Variants in RBPMS observed in about 807,000 individuals in gnomAD.
The protein encoded by RBPMS is RNA binding protein, mRNA processing factor.
RBPMS carries 7 observed loss-of-function variants against 26.8 expected under a neutral mutation model. That is an observed-to-expected ratio of 0.26 (90% CI 0.15 to 0.49). The LOEUF is 0.49. Among genes scored for constraint, RBPMS ranks in the 20% least tolerant of loss-of-function variants. The pLI is 0.98. For synonymous variants in RBPMS, 96 were observed against 93.3 expected, an observed-to-expected ratio of 1.03 and a Z score of -0.17; for missense variants, 186 against 250.0, an observed-to-expected ratio of 0.74 and a Z score of 1.73.
At chr8:30,447,273 C>T (rs943126586) in intron 1 of RBPMS, among the ~76,000 whole-genome samples, 3 of 152,154 alleles carry the variant, frequency 2.0e-5, no homozygotes, top group Non-Finnish European at 4.4e-5. Flanking sequence ...CTGAACACTT[C>T]TGGGCCCAAG....
intron 5 of RBPMS, among the ~76,000 whole-genome samples, chr8:30,515,624 C>CT (rs1281652225): frequency 3.0e-4 from 46 of 152,222 alleles, no homozygotes; most frequent in African/African-American, 9.4e-4. Context: ...GTAGATTTCA[C>CT]TAAAATATTT....
intron 4 of RBPMS, among the ~76,000 whole-genome samples, chr8:30,479,812 T>A: frequency 6.7e-6 from 1 of 148,700 alleles, no homozygotes; most frequent in Non-Finnish European, 1.5e-5. Context: ...TATGCAGCAT[T>A]AAAAAAAAAA....
intron 5 of RBPMS, among the ~76,000 whole-genome samples, chr8:30,531,482 T>C (rs897007133): frequency 2.0e-4 from 30 of 152,216 alleles, no homozygotes; most frequent in African/African-American, 6.8e-4. Context: ...CCTCATGAGA[T>C]AGAATTACTT....
chr8:30,512,610 T>C (rs1303776176), intron 5 of RBPMS, among the ~76,000 whole-genome samples: 1 of 152,184 alleles, frequency 6.6e-6, no homozygotes. Flanking sequence ...TCCTCCTGCC[T>C]CAGCCTCCTG....
At chr8:30,534,507 A>G (rs1824599449) in intron 5 of RBPMS, among the ~76,000 whole-genome samples, 1 of 152,230 alleles carries the variant, frequency 6.6e-6, no homozygotes, top group South Asian at 2.1e-4. Flanking sequence ...ATCAAGGGCA[A>G]GTAGCCCACG....
intron 7 of RBPMS, among the ~76,000 whole-genome samples, chr8:30,563,433 T>C (rs1054445734): frequency 2.0e-5 from 3 of 152,216 alleles, no homozygotes; most frequent in Non-Finnish European, 2.9e-5. Context: ...GGCAGCTTTC[T>C]TTGATGGATA....
intron 4 of RBPMS, among the ~76,000 whole-genome samples, chr8:30,487,245 AC>A (rs56289571): frequency 0.23 from 35,678 of 152,030 alleles, 4,644 homozygotes; most frequent in East Asian, 0.41. Context: ...GTTCTCTTTT[AC>A]TTTTAGTGAA....
chr8:30,423,350 T>G (rs1378461427), intron 1 of RBPMS, among the ~76,000 whole-genome samples: 1 of 152,208 alleles, frequency 6.6e-6, no homozygotes, highest in Non-Finnish European at 1.5e-5. Context: ...CTTGAAGACC[T>G]GTCTGGCAGG....
intron 5 of RBPMS, among the ~76,000 whole-genome samples, chr8:30,523,829 T>G (rs1823303440): frequency 1.3e-5 from 2 of 152,106 alleles, no homozygotes; most frequent in Non-Finnish European, 2.9e-5. Flanking sequence ...AAGTGGATTA[T>G]CTTGCTTTCC....
chr8:30,533,852 G>C (rs1223853049), intron 5 of RBPMS, among the ~76,000 whole-genome samples: 1 of 152,062 alleles, frequency 6.6e-6, no homozygotes, highest in African/African-American at 2.4e-5. Context: ...TGTTTGTTTT[G>C]GCCAGGCATG....
chr8:30,463,972 G>A (rs1369586855), intron 1 of RBPMS, among the ~76,000 whole-genome samples: 1 of 152,144 alleles, frequency 6.6e-6, no homozygotes, highest in Non-Finnish European at 1.5e-5. Context: ...AACATAGGGA[G>A]ACCTCATTTC....
chr8:30,428,451 G>C (rs1811595221), intron 1 of RBPMS, among the ~76,000 whole-genome samples: 1 of 150,800 alleles, frequency 6.6e-6, no homozygotes, highest in African/African-American at 2.4e-5. Flanking sequence ...TCAAGACGCT[G>C]TCTCAAAAAA....
chr8:30,415,154 A>G (rs1317606382), intron 1 of RBPMS, among the ~76,000 whole-genome samples: 3 of 151,938 alleles, frequency 2.0e-5, no homozygotes, highest in African/African-American at 7.3e-5. Context: ...CCTCCTCTCT[A>G]GGAGTCACAG....
chr8:30,411,664 GAAAA>G (rs796071124), intron 1 of RBPMS, among the ~76,000 whole-genome samples: 2 of 28,230 alleles, frequency 7.1e-5, no homozygotes, highest in Middle Eastern at 0.019. Context: ...CCCTGTCTCA[GAAAA>G]AAAAAAAAAA....
chr8:30,510,688 T>G (rs1821499924), intron 5 of RBPMS, among the ~76,000 whole-genome samples: 1 of 152,158 alleles, frequency 6.6e-6, no homozygotes, highest in African/African-American at 2.4e-5. Context: ...CAAGTGATCC[T>G]TCTACCTCAG....
At chr8:30,440,585 T>C (rs1485464156) in intron 1 of RBPMS, among the ~76,000 whole-genome samples, 2 of 152,192 alleles carry the variant, frequency 1.3e-5, no homozygotes, top group African/African-American at 4.8e-5. Flanking sequence ...TTTGGGTTGC[T>C]TCCACCACCT....
chr8:30,564,584 A>G (rs570851064), intron 7 of RBPMS: 1 of 152,596 alleles, frequency 6.6e-6, no homozygotes, highest in Non-Finnish European at 1.5e-5. Flanking sequence ...ACCACGTGAC[A>G]ACCAAATGCA....
At chr8:30,482,925 T>C (rs1169726327) in intron 4 of RBPMS, among the ~76,000 whole-genome samples, 1 of 152,152 alleles carries the variant, frequency 6.6e-6, no homozygotes, top group Non-Finnish European at 1.5e-5. Context: ...AATTCACTAA[T>C]ATAGGCAGTT....
intron 1 of RBPMS, among the ~76,000 whole-genome samples, chr8:30,412,476 C>T (rs1809563076): frequency 1.3e-5 from 2 of 150,574 alleles, no homozygotes; most frequent in Admixed American, 1.3e-4. Context: ...TTATTAGTGT[C>T]AGTCTCGCAC....
Sources: allele counts gnomAD v4.1 joint callset (sites outside exome capture counted in the v4.1 genomes callset), GRCh38; gene constraint gnomAD v4.1.1; transcripts MANE v1.5; gene names NCBI Gene and HGNC (gene_info 2026-07-23, HGNC 2026-07-21).